AK9: variants seen among roughly 807,000 people sequenced by gnomAD.
The protein encoded by AK9 is adenylate kinase domain containing 1.
AK9 carries 191 observed loss-of-function variants against 239.6 expected under a neutral mutation model. The ratio of observed to expected loss-of-function variants is 0.80; its 90% CI spans 0.71 to 0.90. AK9 has a LOEUF of 0.90. AK9 is among the 40% of genes least tolerant of loss of function. The probability of loss-of-function intolerance (pLI) is 0.00; values close to 1 mark genes in which losing one functional copy is unlikely to be tolerated. For synonymous variants in AK9, 689 were observed against 721.0 expected, an observed-to-expected ratio of 0.96 and a Z score of 0.71; for missense variants, 1,995 against 2,214.7, an observed-to-expected ratio of 0.90 and a Z score of 1.99.
At chr6:109,498,544 T>C (rs1423264440) in intron 36 of AK9, among the ~76,000 whole-genome samples, 2 of 152,272 alleles carry the variant, frequency 1.3e-5, no homozygotes, top group African/African-American at 4.8e-5. Flanking sequence ...TTTAAAATCA[T>C]CAAATTTTGG....
intron 16 of AK9, among the ~76,000 whole-genome samples, chr6:109,610,755 G>C (rs537837168): frequency 6.6e-6 from 1 of 152,246 alleles, no homozygotes; most frequent in South Asian, 2.1e-4. Flanking sequence ...AGTGAAAGAG[G>C]CAAGAAGAAA....
intron 10 of AK9, among the ~76,000 whole-genome samples, chr6:109,636,783 C>CACACACA (rs1554278039): frequency 1.1e-4 from 16 of 144,988 alleles, no homozygotes; most frequent in Non-Finnish European, 1.5e-4. Flanking sequence ...CACACACACA[C>CACACACA]CACATTTTAT....
chr6:109,585,859 C>T lies in AK9; in HGVS notation c.1999+57G>A, dbSNP rs138659108. 187 of 1,477,662 alleles carry T rather than the reference C, an allele frequency of 1.3e-4. 1 individual carries two copies. In the African/African-American group the frequency reaches 2.5e-3, roughly 20 times the overall value. The allele number at this position is 1,477,662 out of a possible 1,614,324, so 91.5% of individuals were successfully genotyped here. On this transcript the variant is annotated intron_variant, in intron 18 of 40. Transcript: ENST00000424296. Reference sequence around the variant, plus strand: ...GAGAGTTGTCCGTTCTATATTTAACCAAAAATATCAATAACAAAACTTCAC... The same window carrying T: ...GAGAGTTGTCCGTTCTATATTTAACTAAAAATATCAATAACAAAACTTCAC...
intron 36 of AK9, among the ~76,000 whole-genome samples, chr6:109,498,307 G>A (rs539628517): frequency 1.7e-4 from 26 of 152,326 alleles, no homozygotes; most frequent in African/African-American, 6.0e-4. Flanking sequence ...TTTGGCAGGT[G>A]AGTTAACTTC....
At chr6:109,498,572 G>A (rs937581018) in intron 36 of AK9, among the ~76,000 whole-genome samples, 4 of 152,144 alleles carry the variant, frequency 2.6e-5, no homozygotes, top group Admixed American at 6.5e-5. Flanking sequence ...AATATGAGAC[G>A]AAATCTATTT....
intron 12 of AK9, chr6:109,632,477 A>G (rs1178633638): frequency 3.0e-6 from 1 of 338,292 alleles, no homozygotes; most frequent in Non-Finnish European, 4.2e-6. Context: ...ATTTACTGAG[A>G]GTGGAGAACA....
chr6:109,612,840 TA>T (rs1489701703), intron 15 of AK9, among the ~76,000 whole-genome samples: 2 of 150,908 alleles, frequency 1.3e-5, no homozygotes, highest in Non-Finnish European at 3.0e-5. Context: ...TAAAACTGAA[TA>T]AAAAAACCAA....
intron 38 of AK9, among the ~76,000 whole-genome samples, chr6:109,496,226 T>C (rs1216977437): frequency 6.6e-6 from 1 of 152,204 alleles, no homozygotes; most frequent in Non-Finnish European, 1.5e-5. Context: ...ACTTTCCAGC[T>C]TCTTCCAGCA....
intron 29 of AK9, among the ~76,000 whole-genome samples, chr6:109,518,013 T>C (rs1301623630): frequency 6.6e-6 from 1 of 152,094 alleles, no homozygotes; most frequent in African/African-American, 2.4e-5. Flanking sequence ...TAATCCTAAA[T>C]AATGCTCAAC....
In AK9 at chr6:109,492,975, T is replaced by C. The variant is rs532702382; in HGVS notation, c.*394A>G. On this transcript the variant is annotated 3_prime_UTR_variant, in exon 41 of 41. Transcript: ENST00000424296. The stretch of plus-strand genomic sequence containing the variant: ...CATATTTTGGTTTCATTTATAACAA[T>C]GTTAAATGTCTTAAAGCTTTCTAAC... 6.3e-6 allele frequency: 1 copy of C among 158,912 alleles called. No homozygotes were observed. Among genetic ancestry groups the C allele is most frequent in the Non-Finnish European group, 1.4e-5 (1 of 72,394 alleles). The allele number at this position is 158,912 out of a possible 1,614,324, so 9.8% of individuals were successfully genotyped here. A position where few individuals can be genotyped will look rare whatever the true frequency, so the allele number is the denominator to read the frequency against.
At chr6:109,565,781 A>G (rs995559561) in intron 21 of AK9, among the ~76,000 whole-genome samples, 5 of 152,194 alleles carry the variant, frequency 3.3e-5, no homozygotes, top group Non-Finnish European at 5.9e-5. Flanking sequence ...ATATATCTAT[A>G]TGCATATATA....
intron 28 of AK9, among the ~76,000 whole-genome samples, chr6:109,530,653 G>T (rs1781109538): frequency 6.6e-6 from 1 of 152,030 alleles, no homozygotes; most frequent in African/African-American, 2.4e-5. Context: ...ACTAATTATT[G>T]TACATCTCCC....
intron 7 of AK9, among the ~76,000 whole-genome samples, chr6:109,658,963 G>A (rs976465271): frequency 5.3e-5 from 8 of 152,060 alleles, no homozygotes; most frequent in Admixed American, 4.6e-4. Context: ...TAACTCCATA[G>A]TTATGAAATG....
chr6:109,585,359 T>C (rs1026847716), intron 18 of AK9, 122 bp from the exon 19 acceptor site: 5 of 357,450 alleles, frequency 1.4e-5, no homozygotes, highest in Non-Finnish European at 2.1e-5. Flanking sequence ...CCTTTAAGCA[T>C]GTATCTAAAT....
At chr6:109,592,735 C>T (rs1045107207) in intron 17 of AK9, among the ~76,000 whole-genome samples, 14 of 151,822 alleles carry the variant, frequency 9.2e-5, no homozygotes, top group African/African-American at 2.9e-4. Context: ...CATGAGCCAC[C>T]GTGCCCAGCG....
At chr6:109,683,031 A>G (rs999196235) in intron 1 of AK9, among the ~76,000 whole-genome samples, 2 of 152,230 alleles carry the variant, frequency 1.3e-5, no homozygotes, top group Non-Finnish European at 1.5e-5. Context: ...GCAGCAGCAC[A>G]TCAAAAAGCT....
chr6:109,559,625 G>A (rs545749930), intron 24 of AK9, among the ~76,000 whole-genome samples: 1 of 152,232 alleles, frequency 6.6e-6, no homozygotes, highest in East Asian at 1.9e-4. Flanking sequence ...ATCAATTTCT[G>A]ATTGTCTATT....
intron 2 of AK9, among the ~76,000 whole-genome samples, chr6:109,675,285 T>C (rs1771543084): frequency 1.3e-5 from 2 of 152,152 alleles, no homozygotes. Flanking sequence ...TAAAAGCAAA[T>C]TTAAATATAG....
At chr6:109,648,063 C>G (rs1476656863) in intron 8 of AK9, among the ~76,000 whole-genome samples, 1 of 151,744 alleles carries the variant, frequency 6.6e-6, no homozygotes, top group African/African-American at 2.4e-5. Context: ...CACAACATAC[C>G]AGAATCTCTG....
Sources: allele counts gnomAD v4.1 joint callset (sites outside exome capture counted in the v4.1 genomes callset), GRCh38; gene constraint gnomAD v4.1.1; transcripts MANE v1.5; gene names NCBI Gene and HGNC (gene_info 2026-07-23, HGNC 2026-07-21).